WBP1L: variants seen among roughly 807,000 people sequenced by gnomAD.
WBP1L encodes the protein WW domain binding protein 1 like, also known as WW domain binding protein 1-like.
Under a neutral mutation model 33.7 loss-of-function variants are expected in WBP1L, and 17 were observed. The ratio of observed to expected loss-of-function variants is 0.50; its 90% confidence interval spans 0.34 to 0.76. The LOEUF is 0.76. WBP1L is among the 30% of genes least tolerant of loss of function. The pLI is 0.01. For missense variants in WBP1L, 389 were observed against 469.4 expected (o/e 0.83, Z 1.58); for synonymous variants, 173 against 190.8 (o/e 0.91, Z 0.77).
intron 1 of WBP1L, among the ~76,000 whole-genome samples, chr10:102,757,390 C>G (rs1165145589): frequency 1.3e-5 from 2 of 152,128 alleles, no homozygotes; most frequent in African/African-American, 2.4e-5. Flanking sequence ...ACCGCCAAGG[C>G]GGATGGGCAC....
intron 1 of WBP1L, among the ~76,000 whole-genome samples, chr10:102,777,900 GC>G (rs1392523135): frequency 6.6e-6 from 1 of 152,186 alleles, no homozygotes; most frequent in Non-Finnish European, 1.5e-5. Flanking sequence ...GGCAGAGTGA[GC>G]CCTGGAGAGG....
chr10:102,763,230 A>AG (rs2134033230), intron 1 of WBP1L, among the ~76,000 whole-genome samples: 2 of 148,132 alleles, frequency 1.4e-5, no homozygotes, highest in Admixed American at 1.3e-4. Flanking sequence ...AAAAAAAAGA[A>AG]TTTGGAGACT....
intron 1 of WBP1L, among the ~76,000 whole-genome samples, chr10:102,790,505 A>G (rs534599343): frequency 3.3e-5 from 5 of 152,072 alleles, no homozygotes; most frequent in African/African-American, 1.2e-4. Context: ...TATCTTCAAC[A>G]GAACTTTATT....
rs774219187 is a variant in WBP1L, at chr10:102,813,295, C to G, written c.1056C>G (p.Asp352Glu). ...TGCTGAACACCATCAACGAGCAGGA[C>G]TCTCCCAACTCCCAGAGCAGCAGCT... is the stretch of plus-strand genomic sequence containing the variant. ...CLLLNTINEQ[D>E]SPNSQSSSSP... The change falls in exon 4 of 4, where the codon GAC (aspartate) becomes GAG (glutamate). Residue 352 changes from aspartate to glutamate, a missense_variant. Transcript: ENST00000448841. 5.6e-6 allele frequency: 9 copies of G among 1,611,582 alleles called. No individual in the cohort carries two copies. The Admixed American group carries it at 1.5e-4, about 27-fold the overall frequency.
At position 102,812,712 on chromosome 10, in the gene WBP1L, G is replaced by T. The variant is rs773641417; in HGVS notation, c.473G>T (p.Cys158Phe). 1.7e-5 allele frequency: 27 copies of T among 1,613,854 alleles called. No homozygotes were observed. In the Admixed American group the frequency reaches 3.2e-4, roughly 19 times the overall value. ...LQQQQLLPPQ[C>F]GPAGGSPPGI... ...CAGCAGCAGCTGCTGCCTCCACAGT[G>T]TGGCCCTGCAGGTGGCAGTCCCCCG... The change falls in exon 4 of 4, where the codon TGT (cysteine) becomes TTT (phenylalanine). Residue 158 changes from cysteine to phenylalanine, a missense_variant. Cys to Phe is a radical substitution (Grantham distance 205, BLOSUM62 -2). Coordinates refer to ENST00000448841, the MANE Select transcript of WBP1L (RefSeq NM_001083913.2).
intron 1 of WBP1L, among the ~76,000 whole-genome samples, chr10:102,760,700 T>C (rs974929558): frequency 2.6e-5 from 4 of 152,038 alleles, no homozygotes; most frequent in Non-Finnish European, 5.9e-5. Context: ...CCATCAGCAT[T>C]GCCCAGAGAC....
intron 1 of WBP1L, among the ~76,000 whole-genome samples, chr10:102,793,307 T>A (rs1387071426): frequency 6.6e-6 from 1 of 152,060 alleles, no homozygotes; most frequent in Admixed American, 6.6e-5. Flanking sequence ...AAGCCAGATA[T>A]GGTGGCACAT....
At chr10:102,768,364 G>GTTTTTTGTTTTTTTTTT (rs1171026972) in intron 1 of WBP1L, among the ~76,000 whole-genome samples, 1 of 44,564 alleles carries the variant, frequency 2.2e-5, no homozygotes, top group African/African-American at 1.1e-4. Context: ...CCTGGCATTA[G>GTTTTTTGTTTTTTTTTT]TTTTTTGTTT....
rs556701874 is a variant in WBP1L at position 102,794,339 on chromosome 10, C to T, written c.91-3654C>T. 1.0e-3 allele frequency among the ~76,000 whole-genome samples: 159 copies of T among 152,152 alleles called. 1 individual carries two copies. The highest frequency in any genetic ancestry group is 4.4e-5 in the Non-Finnish European group (3 of 67,998). On this transcript the variant is annotated intron_variant, in intron 1 of 3. Transcript: ENST00000448841. ...CTTAAAGTTGAAGGAGACGGCTGGG[C>T]GTGGTGGCTCACGCCTGTAATCCCA... is the stretch of plus-strand genomic sequence containing the variant.
intron 1 of WBP1L, among the ~76,000 whole-genome samples, chr10:102,750,179 G>A (rs1242564149): frequency 1.3e-5 from 2 of 151,556 alleles, no homozygotes; most frequent in Non-Finnish European, 2.9e-5. Context: ...AGGCTGAGGC[G>A]GGTGGATCAT....
chr10:102,746,046 T>C, intron 1 of WBP1L: 1 of 632,210 alleles, frequency 1.6e-6, no homozygotes, highest in Non-Finnish European at 2.0e-6. Flanking sequence ...ATAACATCGG[T>C]AGAGGTTTGG....
At chr10:102,752,934 T>C (rs1842939101) in intron 1 of WBP1L, among the ~76,000 whole-genome samples, 1 of 152,216 alleles carries the variant, frequency 6.6e-6, no homozygotes, top group South Asian at 2.1e-4. Flanking sequence ...GTTGTTGTCA[T>C]GGGTATCTTG....
rs114804158 is a variant in WBP1L, at chr10:102,744,370, C to T, written c.90+227C>T. The T allele has an allele frequency of 1.9e-3, 1,855 of 984,974 alleles. 20 individuals carry two copies. The African/African-American group carries it at 0.03, about 16-fold the overall frequency. 61.0% of individuals were successfully genotyped at this position (984,974 alleles called of 1,614,324 possible). A position where few individuals can be genotyped will look rare whatever the true frequency, so the allele number is the denominator to read the frequency against. On this transcript the variant is annotated intron_variant, in intron 1 of 3. Transcript: ENST00000448841. ...GGCATGATGCCAAGCGAGTGAGGGG[C>T]GTTTGAGACGGCAGGTTGGTTAGGT...
intron 1 of WBP1L, among the ~76,000 whole-genome samples, chr10:102,755,585 A>C (rs931813979): frequency 6.8e-6 from 1 of 146,250 alleles, no homozygotes; most frequent in Non-Finnish European, 1.5e-5. Context: ...AGAGATCGGG[A>C]TTTCACCATG....
intron 1 of WBP1L, among the ~76,000 whole-genome samples, chr10:102,784,421 C>CTTTTTTTTTT (rs35898015): frequency 1.0e-5 from 1 of 97,846 alleles, no homozygotes; most frequent in African/African-American, 3.8e-5. Context: ...GTTCTTGTTT[C>CTTTTTTTTTT]TTTTTTTTTT....
intron 1 of WBP1L, among the ~76,000 whole-genome samples, chr10:102,785,208 A>G: frequency 9.8e-6 from 1 of 102,496 alleles, no homozygotes; most frequent in African/African-American, 3.8e-5. Context: ...TTTGAGACAG[A>G]GTTTCGATCT....
intron 1 of WBP1L, among the ~76,000 whole-genome samples, chr10:102,783,129 G>A (rs1018067836): frequency 3.3e-5 from 5 of 152,144 alleles, no homozygotes; most frequent in African/African-American, 1.2e-4. Context: ...TGGGAGGTTA[G>A]GACAGGCTGG....
intron 1 of WBP1L, among the ~76,000 whole-genome samples, chr10:102,758,464 T>G (rs183476227): frequency 2.0e-5 from 3 of 152,230 alleles, no homozygotes; most frequent in Non-Finnish European, 4.4e-5. Flanking sequence ...AATGGAACCA[T>G]ACACCATGTG....
intron 1 of WBP1L, among the ~76,000 whole-genome samples, chr10:102,790,466 A>G (rs1368615064): frequency 6.6e-6 from 1 of 151,964 alleles, no homozygotes; most frequent in African/African-American, 2.4e-5. Flanking sequence ...TTAGTTTTGC[A>G]TACATTTTTA....
Sources: gnomAD v4.1 joint callset for allele counts (sites outside exome capture counted in the v4.1 genomes callset) on GRCh38, gnomAD v4.1.1 for gene constraint, MANE v1.5 for transcripts, NCBI Gene and HGNC (gene_info 2026-07-23, HGNC 2026-07-21) for gene names.